The following NOP58 variants were observed in gnomAD, a reference collection of about 807,000 sequenced individuals.
The protein encoded by NOP58 is nucleolar protein 58.
NOP58 carries 44 observed loss-of-function variants against 71.2 expected under a neutral mutation model. The ratio of observed to expected loss-of-function variants is 0.62; its 90% CI spans 0.49 to 0.79. The LOEUF (loss-of-function observed/expected upper bound fraction) is 0.79, where lower values mean the gene tolerates loss of function less well. Ranked by LOEUF, NOP58 falls within the 30% of genes least tolerant of loss-of-function variation. The probability of loss-of-function intolerance (pLI) is 0.00; values close to 1 mark genes in which losing one functional copy is unlikely to be tolerated. For missense variants in NOP58, 538 were observed against 620.2 expected (o/e 0.87, Z 1.41); for synonymous variants, 228 against 200.3 (o/e 1.14, Z -1.17).
Position 202,290,411 on chromosome 2 carries a change from A to C in NOP58, c.588A>C (p.Lys196Asn), listed in dbSNP as rs540613762. The C allele has an allele frequency of 6.2e-7, 1 of 1,611,206 alleles. No individual in the cohort carries two copies. Among genetic ancestry groups the C allele is most frequent in the African/African-American group, 1.3e-5 (1 of 75,006 alleles). Reference protein sequence around the residue: ...WYGWHFPELGKIISDNLTYCK... With the variant: ...WYGWHFPELGNIISDNLTYCK... ...GCTGGCATTTCCCTGAATTAGGAAA[A>C]ATTATTTCAGATAATTTAACATACT... Residue 196 changes from lysine to asparagine, a missense_variant, in exon 7 of 15, where the codon AAA (lysine) becomes AAC (asparagine). By Grantham distance (94) the Lys-to-Asn change is moderately conservative. Coordinates refer to ENST00000264279, the MANE Select transcript of NOP58 (RefSeq NM_015934.5).
intron 8 of NOP58, among the ~76,000 whole-genome samples, chr2:202,291,706 C>T (rs1688900402): frequency 6.9e-6 from 1 of 144,778 alleles, no homozygotes; most frequent in South Asian, 2.2e-4. Flanking sequence ...ACTCGGGAGG[C>T]TGAGACAGGA....
At chr2:202,286,704 C>A (rs1688792242) in intron 5 of NOP58, among the ~76,000 whole-genome samples, 1 of 152,102 alleles carries the variant, frequency 6.6e-6, no homozygotes, top group South Asian at 2.1e-4. Context: ...CTGGGTAAAT[C>A]TGCATTGTGT....
At chr2:202,278,619 C>A (rs955439304) in intron 3 of NOP58, among the ~76,000 whole-genome samples, 1 of 152,108 alleles carries the variant, frequency 6.6e-6, no homozygotes, top group Non-Finnish European at 1.5e-5. Context: ...GTAGGTCTTA[C>A]AGTTTTGTTT....
chr2:202,303,022 T>C lies in NOP58; in HGVS notation c.1504T>C (p.Ser502Pro), dbSNP rs1689119216. ...GAAACACATTAAGGAAGAACCACTT[T>C]CTGAGGAAGAACCATGTACCAGCAC... is the stretch of plus-strand genomic sequence containing the variant. Reference protein sequence around the residue: ...KKKHIKEEPLSEEEPCTSTAI... With the variant: ...KKKHIKEEPLPEEEPCTSTAI... The change falls in exon 14 of 15, where the codon TCT (serine) becomes CCT (proline). Residue 502 changes from serine (S) to proline (P), a missense_variant. Physicochemically the swap from Ser to Pro is moderately conservative, Grantham distance 74 (BLOSUM62 -1). Coordinates refer to ENST00000264279, the MANE Select transcript of NOP58 (RefSeq NM_015934.5). The C allele has an allele frequency of 6.2e-7, 1 of 1,612,714 alleles. No homozygotes were observed. The highest frequency in any genetic ancestry group is 2.2e-5 in the East Asian group (1 of 44,846).
chr2:202,302,061 CTTTTCTTTTTCTTTTTTTTTTCTT>C (rs1342005556), intron 13 of NOP58, among the ~76,000 whole-genome samples: 2 of 135,426 alleles, frequency 1.5e-5, no homozygotes, highest in Non-Finnish European at 3.2e-5. Flanking sequence ...ATTTCTCTCT[CTTTTCTTTTTCTTTTTTTTTTCTT>C]TTTTTTTTTT....
At position 202,282,332 on chromosome 2, in the gene NOP58, T is replaced by A; in HGVS notation, c.176-19T>A. On this transcript the variant is annotated intron_variant, in intron 3 of 14. Coordinates refer to ENST00000264279, the MANE Select transcript of NOP58 (RefSeq NM_015934.5). ...AAAATTTGAGAGTTAATGCTTTTGT[T>A]TTTCTTTTTCTTGAAAAGCATTCAC... The A allele has an allele frequency of 6.3e-7, 1 of 1,587,302 alleles. No homozygotes were observed. The highest frequency in any genetic ancestry group is 8.5e-7 in the Non-Finnish European group (1 of 1,173,930).
intron 6 of NOP58, among the ~76,000 whole-genome samples, chr2:202,288,574 T>C (rs1342605574): frequency 6.6e-6 from 1 of 151,910 alleles, no homozygotes; most frequent in Non-Finnish European, 1.5e-5. Context: ...TCCCAACACT[T>C]TGGGAGGCAG....
At chr2:202,288,293 T>G (rs932346924) in intron 6 of NOP58, among the ~76,000 whole-genome samples, 14 of 150,786 alleles carry the variant, frequency 9.3e-5, no homozygotes, top group Non-Finnish European at 1.3e-4. Context: ...GAGACCAGCC[T>G]GACCAACATG....
Position 202,297,925 on chromosome 2 carries a change from G to A in NOP58, c.1268+19G>A, listed in dbSNP as rs768971867. ...ACAAAAGGTGAGTACATTTAAGTGA[G>A]GATGGGGTGAATAGTTTTTTTAAAT... On this transcript the variant is annotated intron_variant, in intron 12 of 14. Coordinates refer to ENST00000264279, the MANE Select transcript of NOP58 (RefSeq NM_015934.5). The A allele has an allele frequency of 2.0e-6, 3 of 1,468,192 alleles. No individual in the cohort carries two copies. Among genetic ancestry groups the A allele is most frequent in the East Asian group, 4.7e-5 (2 of 42,802 alleles). 90.9% of individuals were successfully genotyped at this position (1,468,192 alleles called of 1,614,324 possible). A position where few individuals can be genotyped will look rare whatever the true frequency, so the allele number is the denominator to read the frequency against.
intron 2 of NOP58, 111 bp from the exon 3 acceptor site, chr2:202,277,839 T>C (rs562982703): frequency 1.5e-6 from 1 of 674,500 alleles, no homozygotes; most frequent in African/African-American, 1.8e-5. Flanking sequence ...TAGGCATGTT[T>C]TATTGGTGTG....
intron 1 of NOP58, among the ~76,000 whole-genome samples, chr2:202,273,745 C>T (rs1235157985): frequency 1.3e-5 from 2 of 152,170 alleles, no homozygotes; most frequent in African/African-American, 2.4e-5. Flanking sequence ...GAGTTCAAGA[C>T]CAGCCTGGCC....
At chr2:202,297,232 A>G (rs1689008402) in intron 10 of NOP58, 147 bp from the exon 11 acceptor site, 1 of 674,200 alleles carries the variant, frequency 1.5e-6, no homozygotes, top group Admixed American at 3.1e-5. Context: ...ATATATGGCC[A>G]TTAGATTGTG....
chr2:202,277,151 G>T lies in NOP58; in HGVS notation c.123-799G>T, dbSNP rs757494783. On this transcript the variant is annotated intron_variant, in intron 2 of 14. Transcript: ENST00000264279. ...AAATACAAAAAATTAGCCAGGTGTG[G>T]TGGCGGGTGCCTGTAGTCCCAGCTA... 3.3e-5 allele frequency among the ~76,000 whole-genome samples: 5 copies of T among 152,320 alleles called. No individual in the cohort carries two copies. In the South Asian group the frequency reaches 6.2e-4, roughly 19 times the overall value.
At chr2:202,276,299 C>A in intron 2 of NOP58, 1 of 216,220 alleles carries the variant, frequency 4.6e-6, no homozygotes, top group South Asian at 5.0e-5. Flanking sequence ...GAGATTGCGC[C>A]ACTGCACTCC....
intron 10 of NOP58, among the ~76,000 whole-genome samples, chr2:202,296,954 C>G (rs555621114): frequency 3.3e-5 from 5 of 152,018 alleles, no homozygotes; most frequent in African/African-American, 9.7e-5. Context: ...AGGATGGTCT[C>G]GATCTCCTGA....
chr2:202,278,224 C>T (rs1172009541), intron 3 of NOP58: 1 of 629,364 alleles, frequency 1.6e-6, no homozygotes, highest in Non-Finnish European at 3.0e-6. Context: ...CTGGTTTTCC[C>T]CATGTGTGAG....
At chr2:202,287,444 C>T (rs150023035) in intron 5 of NOP58, among the ~76,000 whole-genome samples, 1 of 151,522 alleles carries the variant, frequency 6.6e-6, no homozygotes, top group Non-Finnish European at 1.5e-5. Flanking sequence ...AAATAAAGGT[C>T]GTAGCAGCAC....
chr2:202,287,513 C>T (rs1688812429), intron 5 of NOP58, 147 bp from the exon 6 acceptor site: 1 of 573,262 alleles, frequency 1.7e-6, no homozygotes, highest in East Asian at 3.0e-5. Flanking sequence ...TTCTACTTAG[C>T]TGATTTTTCT....
chr2:202,293,108 CT>C (rs762411276), intron 9 of NOP58: 1 of 736,782 alleles, frequency 1.4e-6, no homozygotes, highest in Non-Finnish European at 2.5e-6. Flanking sequence ...ATGAAGGCAT[CT>C]TTAGTCACTA....
Sources: gnomAD v4.1 joint callset for allele counts (sites outside exome capture counted in the v4.1 genomes callset) on GRCh38, gnomAD v4.1.1 for gene constraint, MANE v1.5 for transcripts, NCBI Gene and HGNC (gene_info 2026-07-23, HGNC 2026-07-21) for gene names.